CFAP95: variants seen among roughly 807,000 people sequenced by gnomAD.
CFAP95 encodes the protein cilia- and flagella-associated protein 95.
chr9:69,856,601 A>G, the CFAP95 span: 1 of 1,612,444 alleles, frequency 6.2e-7, no homozygotes. Flanking sequence ...ATGTGTTTAA[A>G]CACAGAATGG....
chr9:69,837,983 C>T, the CFAP95 span, among the ~76,000 whole-genome samples: 15 of 152,252 alleles, frequency 9.9e-5, no homozygotes, highest in East Asian at 1.9e-4. Context: ...ATTTATTAAA[C>T]AGGGAATCCT....
chr9:69,906,055 T>G, the CFAP95 span: 1 of 1,613,404 alleles, frequency 6.2e-7, no homozygotes, highest in African/African-American at 1.3e-5. Flanking sequence ...ACACTTGGCA[T>G]GATGAGAGTG....
At chr9:69,894,063 C>A in the CFAP95 span, among the ~76,000 whole-genome samples, 12 of 152,206 alleles carry the variant, frequency 7.9e-5, no homozygotes, top group Non-Finnish European at 7.3e-5. Context: ...ACCATGGAAA[C>A]AGGCTTCTTT....
the CFAP95 span, among the ~76,000 whole-genome samples, chr9:69,868,795 C>T: frequency 1.4e-5 from 2 of 138,086 alleles, no homozygotes; most frequent in Non-Finnish European, 3.1e-5. Flanking sequence ...GGAACTCATA[C>T]AACTTATTAG....
the CFAP95 span, among the ~76,000 whole-genome samples, chr9:69,892,702 A>G: frequency 6.6e-6 from 1 of 152,166 alleles, no homozygotes; most frequent in Non-Finnish European, 1.5e-5. Flanking sequence ...CTGTACCTAT[A>G]AAAATCCTAG....
At chr9:69,892,554 T>G in the CFAP95 span, among the ~76,000 whole-genome samples, 1 of 152,206 alleles carries the variant, frequency 6.6e-6, no homozygotes, top group Non-Finnish European at 1.5e-5. Context: ...AGGGAAATAC[T>G]GGGTAGAAGA....
At chr9:69,838,692 A>ACTT in the CFAP95 span, among the ~76,000 whole-genome samples, 1 of 151,474 alleles carries the variant, frequency 6.6e-6, no homozygotes, top group Non-Finnish European at 1.5e-5. Flanking sequence ...GGACAATTTG[A>ACTT]CTTCCTCTTT....
chr9:69,900,020 A>C, the CFAP95 span, among the ~76,000 whole-genome samples: 216 of 152,238 alleles, frequency 1.4e-3, 3 homozygotes, highest in East Asian at 6.6e-3. Flanking sequence ...TTCAACTTAC[A>C]ATTTTTTGAC....
At chr9:69,879,028 C>T in the CFAP95 span, among the ~76,000 whole-genome samples, 3 of 152,132 alleles carry the variant, frequency 2.0e-5, no homozygotes, top group Admixed American at 6.5e-5. Flanking sequence ...ACGATGGCAC[C>T]AGGCCATGAG....
the CFAP95 span, chr9:69,856,797 A>C: frequency 7.4e-5 from 40 of 541,836 alleles, no homozygotes; most frequent in East Asian, 1.2e-4. Flanking sequence ...CATTTGTCTC[A>C]AGCTTCCATG....
the CFAP95 span, among the ~76,000 whole-genome samples, chr9:69,831,267 G>A: frequency 6.6e-6 from 1 of 151,852 alleles, no homozygotes. Flanking sequence ...GACAGTGATA[G>A]GATAAAATTT....
chr9:69,866,234 T>TA, the CFAP95 span, among the ~76,000 whole-genome samples: 17 of 152,198 alleles, frequency 1.1e-4, no homozygotes, highest in Non-Finnish European at 1.8e-4. Context: ...ACAGAACCAA[T>TA]ATGATATGTA....
chr9:69,902,197 G>C, the CFAP95 span: 4 of 381,512 alleles, frequency 1.0e-5, no homozygotes, highest in Admixed American at 9.8e-5. Flanking sequence ...ACATAATGTT[G>C]GCCCTTTCTG....
chr9:69,881,732 T>C, the CFAP95 span, among the ~76,000 whole-genome samples: 1 of 152,200 alleles, frequency 6.6e-6, no homozygotes, highest in Non-Finnish European at 1.5e-5. Context: ...GGGGTTGCAT[T>C]GAATCTGTAG....
At chr9:69,829,261 A>G in the CFAP95 span, among the ~76,000 whole-genome samples, 3 of 152,194 alleles carry the variant, frequency 2.0e-5, no homozygotes, top group South Asian at 2.1e-4. Context: ...GATGAAATCC[A>G]GGAGACTCAG....
At chr9:69,829,646 GT>G in the CFAP95 span, among the ~76,000 whole-genome samples, 1 of 152,180 alleles carries the variant, frequency 6.6e-6, no homozygotes, top group Admixed American at 6.5e-5. Flanking sequence ...CTCACAGATA[GT>G]CTAAGGTACT....
At chr9:69,868,192 T>G in the CFAP95 span, among the ~76,000 whole-genome samples, 7 of 152,162 alleles carry the variant, frequency 4.6e-5, no homozygotes, top group African/African-American at 1.7e-4. Flanking sequence ...ATTAAAGATT[T>G]AAGTGCAAGA....
At chr9:69,848,861 T>C in the CFAP95 span, among the ~76,000 whole-genome samples, 1 of 152,102 alleles carries the variant, frequency 6.6e-6, no homozygotes, top group African/African-American at 2.4e-5. Context: ...GCCAGAGAAG[T>C]TTTGTATTAT....
At chr9:69,886,976 GA>G in the CFAP95 span, 18 of 1,083,646 alleles carry the variant, frequency 1.7e-5, no homozygotes, top group African/African-American at 2.2e-4. Flanking sequence ...AACTTGGGAA[GA>G]AAGGAGAAAT....
Sources: allele counts gnomAD v4.1 joint callset (sites outside exome capture counted in the v4.1 genomes callset), GRCh38; gene constraint gnomAD v4.1.1; transcripts MANE v1.5; gene names NCBI Gene and HGNC (gene_info 2026-07-23, HGNC 2026-07-21).